The following TEX48 variants were observed in gnomAD, a reference collection of about 807,000 sequenced individuals.
TEX48 encodes testis-expressed protein 48.
Under a neutral mutation model 13.2 loss-of-function variants are expected in TEX48, and 10 were observed. That is an observed-to-expected ratio of 0.75 (90% CI 0.47 to 1.28). The LOEUF is 1.28. TEX48 is among the 50% of genes most tolerant of loss of function. The pLI is 0.00. For missense variants in TEX48, 116 were observed against 139.4 expected (o/e 0.83, Z 0.84); for synonymous variants, 45 against 52.3 (o/e 0.86, Z 0.60).
chr9:114,672,625 C>G (rs1434095411), intron 1 of TEX48, among the ~76,000 whole-genome samples: 1 of 152,234 alleles, frequency 6.6e-6, no homozygotes, highest in African/African-American at 2.4e-5. Context: ...CCACCATCAT[C>G]TCTTGCCTGA....
rs75512688 is a variant in TEX48, at chr9:114,677,089, C to G, written c.-105+4946G>C. 4.6e-4 allele frequency among the ~76,000 whole-genome samples: 70 copies of G among 152,306 alleles called. No individual in the cohort carries two copies. In the East Asian group the frequency reaches 0.013, roughly 27 times the overall value. On this transcript the variant is annotated intron_variant, in intron 1 of 4. Transcript: ENST00000436752. ...TGATTTTTAACTTTCTGCACATAAG[C>G]TGTTCCTTGTGGTTAGATACGATGC...
intron 3 of TEX48, among the ~76,000 whole-genome samples, chr9:114,668,716 T>A (rs1229810828): frequency 1.3e-5 from 2 of 152,220 alleles, no homozygotes; most frequent in Non-Finnish European, 2.9e-5. Context: ...TTGAATAGTA[T>A]AAGGGAGGAA....
chr9:114,678,049 T>G (rs1204966511), intron 1 of TEX48, among the ~76,000 whole-genome samples: 1 of 152,176 alleles, frequency 6.6e-6, no homozygotes, highest in African/African-American at 2.4e-5. Flanking sequence ...GTAGCCATGA[T>G]GACAAAGTTT....
chr9:114,666,591 C>T lies in TEX48; in HGVS notation c.*52G>A, dbSNP rs961327779. 3 of 1,051,120 alleles carry T rather than the reference C, an allele frequency of 2.9e-6. No homozygotes were observed. The African/African-American group carries it at 4.9e-5, about 17-fold the overall frequency. The allele number at this position is 1,051,120 out of a possible 1,614,324, so 65.1% of individuals were successfully genotyped here. On this transcript the variant is annotated 3_prime_UTR_variant, in exon 5 of 5. Coordinates refer to ENST00000436752, the MANE Select transcript of TEX48 (RefSeq NM_001199233.2). ...AGTCTTCATGACTCCTGTCCACCGC[C>T]CTCTTCCTCATGGAGATGCCCCAGC...
intron 1 of TEX48, among the ~76,000 whole-genome samples, chr9:114,677,565 T>G (rs1402974073): frequency 2.0e-5 from 3 of 152,174 alleles, no homozygotes; most frequent in Non-Finnish European, 2.9e-5. Context: ...GTATGTTGAA[T>G]GTAGAAGGAT....
Position 114,672,458 on chromosome 9 carries a change from C to T in TEX48, c.-104-631G>A, listed in dbSNP as rs188820725. Among the ~76,000 whole-genome samples the T allele has an allele frequency of 9.2e-5, 14 of 152,338 alleles. No homozygotes were observed. In the East Asian group the frequency reaches 2.5e-3, roughly 27 times the overall value. ...GATCTCTGGATACATTCTGTTCTCA[C>T]TCCCCTTCTTGTGGCAAAACCCTCT... is the stretch of plus-strand genomic sequence containing the variant. On this transcript the variant is annotated intron_variant, in intron 1 of 4. Transcript: ENST00000436752.
intron 1 of TEX48, among the ~76,000 whole-genome samples, chr9:114,681,769 A>G (rs946145680): frequency 7.7e-6 from 1 of 130,048 alleles, no homozygotes; most frequent in African/African-American, 2.9e-5. Flanking sequence ...TAGTGACCCC[A>G]TTGCACTTTG....
chr9:114,670,069 C>A (rs1260746463), intron 3 of TEX48, among the ~76,000 whole-genome samples: 4 of 152,196 alleles, frequency 2.6e-5, no homozygotes, highest in Admixed American at 6.5e-5. Context: ...CCTCTTCATT[C>A]ATATCTGCAA....
chr9:114,666,718 A>T lies in TEX48; in HGVS notation c.288T>A (p.Asn96Lys). The T allele has an allele frequency of 6.5e-7, 1 of 1,534,838 alleles. No homozygotes were observed. The highest frequency in any genetic ancestry group is 1.7e-4 in the Middle Eastern group (1 of 5,990). The change falls in exon 5 of 5, where the codon AAT (asparagine) becomes AAA (lysine). Residue 96 changes from asparagine to lysine, a missense_variant. Physicochemically the swap from Asn to Lys is moderately conservative, Grantham distance 94. Coordinates refer to ENST00000436752, the MANE Select transcript of TEX48 (RefSeq NM_001199233.2). ...AGCGGTTTAAGTTTCTCTTGTAAAAATTTCTTTGGGAAGCATATGCATTCA... is the reference window on the plus strand; with the variant it reads ...AGCGGTTTAAGTTTCTCTTGTAAAATTTTCTTTGGGAAGCATATGCATTCA... ...EDLNAYASQR[N>K]FYKRNLNRYC... is the part of the protein sequence containing the mutation.
At chr9:114,671,324 G>A in intron 3 of TEX48, 59 bp downstream of exon 3, 8 of 1,521,934 alleles carry the variant, frequency 5.3e-6, no homozygotes, top group Non-Finnish European at 7.0e-6. Context: ...CCAGCAGGCA[G>A]AGAGTGAGCA....
At chr9:114,680,120 CCTTTTTTTTT>C (rs1478867360) in intron 1 of TEX48, among the ~76,000 whole-genome samples, 7 of 52,126 alleles carry the variant, frequency 1.3e-4, no homozygotes, top group South Asian at 1.1e-3. Flanking sequence ...TGTCATTGTC[CCTTTTTTTTT>C]TTTTTTTTTT....
chr9:114,668,352 T>G lies in TEX48; in HGVS notation c.128-15A>C. On this transcript the variant is annotated splice_polypyrimidine_tract_variant and intron_variant, in intron 3 of 4. Coordinates refer to ENST00000436752, the MANE Select transcript of TEX48 (RefSeq NM_001199233.2). ...AAGCAGCAAATCTGGCAATGAGAAT[T>G]CCACAGGGTCACGTGGGGGAGGCTT... 6.5e-7 allele frequency: 1 copy of G among 1,535,360 alleles called. No homozygotes were observed. The highest frequency in any genetic ancestry group is 1.4e-5 in the African/African-American group (1 of 73,126).
At chr9:114,674,576 TTC>T (rs778211011) in intron 1 of TEX48, among the ~76,000 whole-genome samples, 5,832 of 80,948 alleles carry the variant, frequency 0.072, 316 homozygotes, top group African/African-American at 0.22. Flanking sequence ...TTTCTTTTCT[TTC>T]TTTTTTTCTC....
intron 1 of TEX48, among the ~76,000 whole-genome samples, chr9:114,681,241 C>A (rs867356822): frequency 6.6e-6 from 1 of 152,128 alleles, no homozygotes; most frequent in African/African-American, 2.4e-5. Context: ...TGTTGACACC[C>A]CGTGCTGATG....
At chr9:114,667,881 A>T (rs1827870234) in intron 4 of TEX48, among the ~76,000 whole-genome samples, 1 of 143,978 alleles carries the variant, frequency 6.9e-6, no homozygotes, top group African/African-American at 2.6e-5. Context: ...ACTCAAGCCT[A>T]GACAACAGAG....
At chr9:114,676,707 C>G (rs1168521734) in intron 1 of TEX48, among the ~76,000 whole-genome samples, 1 of 151,426 alleles carries the variant, frequency 6.6e-6, no homozygotes, top group African/African-American at 2.4e-5. Flanking sequence ...TGCTCCGCCT[C>G]CCGGGTTCAC....
chr9:114,667,839 C>T (rs1199423516), intron 4 of TEX48, among the ~76,000 whole-genome samples: 2 of 131,274 alleles, frequency 1.5e-5, no homozygotes, highest in African/African-American at 5.9e-5. Context: ...GTGGAAGTTG[C>T]AGTGAGCTGA....
intron 3 of TEX48, among the ~76,000 whole-genome samples, chr9:114,669,373 G>T (rs1827902247): frequency 6.7e-6 from 1 of 149,706 alleles, no homozygotes; most frequent in African/African-American, 2.5e-5. Flanking sequence ...CGACCTCCTG[G>T]GCTCAAGTGA....
intron 1 of TEX48, among the ~76,000 whole-genome samples, chr9:114,678,680 C>T (rs1455227172): frequency 6.6e-6 from 1 of 151,752 alleles, no homozygotes; most frequent in Admixed American, 6.6e-5. Context: ...CTCATCTCTA[C>T]TAAAAATTAA....
Sources: gnomAD v4.1 joint callset for allele counts (sites outside exome capture counted in the v4.1 genomes callset) on GRCh38, gnomAD v4.1.1 for gene constraint, MANE v1.5 for transcripts, NCBI Gene and HGNC (gene_info 2026-07-23, HGNC 2026-07-21) for gene names.